The following DLGAP1 variants were observed in gnomAD, a reference collection of about 807,000 sequenced individuals.
DLGAP1 encodes DLG associated protein 1, also known as disks large-associated protein 1.
A neutral mutation model predicts 90.8 loss-of-function variants in DLGAP1; 11 were observed. The observed-to-expected ratio is 0.12, with a 90% confidence interval of 0.08 to 0.20. DLGAP1 has a LOEUF of 0.20. DLGAP1 is among the 10% of genes least tolerant of loss of function. DLGAP1 has a pLI of 1.00. For synonymous variants in DLGAP1, 558 were observed against 540.7 expected, an observed-to-expected ratio of 1.03 and a Z score of -0.44; for missense variants, 1,050 against 1,333.8, an observed-to-expected ratio of 0.79 and a Z score of 3.31.
chr18:4,310,333 G>C (rs575524881), intron 1 of DLGAP1, among the ~76,000 whole-genome samples: 5 of 151,996 alleles, frequency 3.3e-5, no homozygotes, highest in African/African-American at 1.2e-4. Context: ...TATGCTCAAC[G>C]CATGCGTGTG....
chr18:3,747,448 A>G (rs2063318302), intron 5 of DLGAP1, among the ~76,000 whole-genome samples: 1 of 152,190 alleles, frequency 6.6e-6, no homozygotes, highest in African/African-American at 2.4e-5. Flanking sequence ...TTTATAACCT[A>G]AAGTTCACTT....
intron 2 of DLGAP1, among the ~76,000 whole-genome samples, chr18:4,030,101 T>A (rs543927184): frequency 1.3e-5 from 2 of 152,170 alleles, no homozygotes; most frequent in Non-Finnish European, 2.9e-5. Context: ...CAAGCGATTC[T>A]CCTGCCTCAG....
At chr18:3,942,520 A>T (rs531035546) in intron 3 of DLGAP1, among the ~76,000 whole-genome samples, 2 of 152,336 alleles carry the variant, frequency 1.3e-5, no homozygotes, top group African/African-American at 4.8e-5. Context: ...TCTAGGAAGG[A>T]TCAACAAAGC....
intron 3 of DLGAP1, among the ~76,000 whole-genome samples, chr18:3,965,210 G>A (rs1321226324): frequency 2.0e-5 from 3 of 152,156 alleles, no homozygotes; most frequent in Non-Finnish European, 4.4e-5. Context: ...TAGAATCACT[G>A]TCAAAATGTC....
intron 5 of DLGAP1, among the ~76,000 whole-genome samples, chr18:3,766,540 A>G (rs1190902834): frequency 6.6e-6 from 1 of 152,156 alleles, no homozygotes; most frequent in African/African-American, 2.4e-5. Flanking sequence ...CCAAGTGCCC[A>G]TGGAACATAT....
chr18:4,001,333 C>CT (rs1005544082), intron 3 of DLGAP1, among the ~76,000 whole-genome samples: 2 of 146,998 alleles, frequency 1.4e-5, no homozygotes, highest in African/African-American at 2.5e-5. Context: ...AAGCTGCTAT[C>CT]TTTTTTTTCA....
intron 1 of DLGAP1, among the ~76,000 whole-genome samples, chr18:4,430,392 C>T (rs1296341300): frequency 6.6e-6 from 1 of 151,900 alleles, no homozygotes; most frequent in Non-Finnish European, 1.5e-5. Flanking sequence ...AGTTTTGTGA[C>T]CTTGGACATG....
At chr18:4,267,370 T>C (rs1371014170) in intron 1 of DLGAP1, among the ~76,000 whole-genome samples, 1 of 152,234 alleles carries the variant, frequency 6.6e-6, no homozygotes, top group Admixed American at 6.5e-5. Flanking sequence ...TTGCTATTGC[T>C]CCTTCCCTTG....
At chr18:4,217,035 G>A (rs367590730) in intron 1 of DLGAP1, among the ~76,000 whole-genome samples, 4 of 151,842 alleles carry the variant, frequency 2.6e-5, no homozygotes, top group Middle Eastern at 3.2e-3. Context: ...CCATATATCC[G>A]TCCGTCTCTC....
At chr18:4,206,277 G>GT (rs2077718246) in intron 1 of DLGAP1, among the ~76,000 whole-genome samples, 1 of 152,088 alleles carries the variant, frequency 6.6e-6, no homozygotes, top group Non-Finnish European at 1.5e-5. Context: ...AACAAGCATT[G>GT]TGAGTTTCTC....
rs555514955 is a variant in DLGAP1 at position 3,706,629 on chromosome 18, G to A, written c.1591+22506C>T. 1.8e-3 allele frequency among the ~76,000 whole-genome samples: 270 copies of A among 152,296 alleles called. 1 individual carries two copies. Among genetic ancestry groups the A allele is most frequent in the South Asian group, 3.1e-3 (15 of 4,820 alleles). The stretch of plus-strand genomic sequence containing the variant: ...AAGCATAAATGTTGATGTTGGAGAT[G>A]GAGCTTATCGAAGGCTTGCACATGT... On this transcript the variant is annotated intron_variant, in intron 7 of 12. Coordinates refer to ENST00000315677, the MANE Select transcript of DLGAP1 (RefSeq NM_004746.4).
chr18:4,089,588 G>A (rs2143727729), intron 2 of DLGAP1, among the ~76,000 whole-genome samples: 1 of 152,208 alleles, frequency 6.6e-6, no homozygotes, highest in South Asian at 2.1e-4. Flanking sequence ...GCATGGTACT[G>A]GTATCAAAAC....
intron 7 of DLGAP1, among the ~76,000 whole-genome samples, chr18:3,668,215 C>T (rs1055389752): frequency 1.1e-4 from 16 of 152,202 alleles, no homozygotes; most frequent in African/African-American, 3.4e-4. Flanking sequence ...AACTCCCATA[C>T]ATAATGAACA....
At chr18:4,062,054 A>G (rs1297443036) in intron 2 of DLGAP1, among the ~76,000 whole-genome samples, 1 of 152,172 alleles carries the variant, frequency 6.6e-6, no homozygotes, top group South Asian at 2.1e-4. Flanking sequence ...AAGTAGCCAA[A>G]GTAATCCTTG....
chr18:4,111,822 A>T (rs2075977972), intron 2 of DLGAP1, among the ~76,000 whole-genome samples: 1 of 151,792 alleles, frequency 6.6e-6, no homozygotes, highest in African/African-American at 2.4e-5. Context: ...TGTGAATCTC[A>T]TCTTTCTTCT....
At chr18:3,935,188 T>C (rs2072606633) in intron 3 of DLGAP1, among the ~76,000 whole-genome samples, 1 of 152,232 alleles carries the variant, frequency 6.6e-6, no homozygotes, top group Non-Finnish European at 1.5e-5. Context: ...CATAACCTTG[T>C]GACATGGATA....
At chr18:3,762,289 A>G (rs1034702792) in intron 5 of DLGAP1, among the ~76,000 whole-genome samples, 1 of 152,240 alleles carries the variant, frequency 6.6e-6, no homozygotes, top group Non-Finnish European at 1.5e-5. Context: ...TCAGTTTATG[A>G]ACCAGTAAGA....
chr18:4,139,049 G>A (rs1462671206), intron 2 of DLGAP1, among the ~76,000 whole-genome samples: 2 of 151,808 alleles, frequency 1.3e-5, no homozygotes, highest in Admixed American at 1.3e-4. Flanking sequence ...CTAGCTAAAT[G>A]TTTATTGATT....
At chr18:3,907,081 A>C (rs950571346) in intron 3 of DLGAP1, among the ~76,000 whole-genome samples, 3 of 152,204 alleles carry the variant, frequency 2.0e-5, no homozygotes, top group African/African-American at 7.2e-5. Flanking sequence ...TTATATGTAA[A>C]TATTATAATA....
Sources: allele counts gnomAD v4.1 joint callset (sites outside exome capture counted in the v4.1 genomes callset), GRCh38; gene constraint gnomAD v4.1.1; transcripts MANE v1.5; gene names NCBI Gene and HGNC (gene_info 2026-07-23, HGNC 2026-07-21).